Variants in SRP54 observed in about 807,000 individuals in gnomAD.
The protein encoded by SRP54 is signal recognition particle 54.
In SRP54, 10 loss-of-function variants were observed where a neutral mutation model predicts 64.8. The observed-to-expected ratio is 0.15, with a 90% CI of 0.10 to 0.26. The LOEUF is 0.26. Among genes scored for constraint, SRP54 ranks in the 10% least tolerant of loss-of-function variants. SRP54 has a pLI of 1.00. For missense variants in SRP54, 325 were observed against 613.7 expected, an observed-to-expected ratio of 0.53 and a Z score of 4.97; for synonymous variants, 193 against 185.6, an observed-to-expected ratio of 1.04 and a Z score of -0.32.
intron 11 of SRP54, among the ~76,000 whole-genome samples, chr14:35,018,236 C>A (rs2044474322): frequency 6.6e-6 from 1 of 152,074 alleles, no homozygotes; most frequent in Non-Finnish European, 1.5e-5. Flanking sequence ...AATATTTTTT[C>A]CACAGTGTAT....
chr14:35,020,347 A>G (rs2044508456), intron 13 of SRP54, among the ~76,000 whole-genome samples: 1 of 152,178 alleles, frequency 6.6e-6, no homozygotes, highest in African/African-American at 2.4e-5. Flanking sequence ...TGGCTGTGAC[A>G]ATTTCTTAAA....
rs1041755485 is a variant in SRP54 at position 34,996,604 on chromosome 14, A to G, written c.-33-73A>G. The G allele has an allele frequency of 2.0e-5, 16 of 802,108 alleles. No homozygotes were observed. In the African/African-American group the frequency reaches 2.2e-4, roughly 11 times the overall value. 49.7% of individuals were successfully genotyped at this position (802,108 alleles called of 1,614,324 possible). ...CTAAACACTAGAGTAATTTGAACTTAAATACTCTTTAGAACTCTTCAGTCA... is the reference window on the plus strand; with the variant it reads ...CTAAACACTAGAGTAATTTGAACTTGAATACTCTTTAGAACTCTTCAGTCA... On this transcript the variant is annotated intron_variant, in intron 1 of 15. Transcript: ENST00000216774.
At chr14:35,017,933 C>T (rs1160642062) in intron 11 of SRP54, among the ~76,000 whole-genome samples, 1 of 152,068 alleles carries the variant, frequency 6.6e-6, no homozygotes, top group Non-Finnish European at 1.5e-5. Context: ...CCAGCCTGGG[C>T]AATGTAGTGA....
chr14:34,983,024 T>G lies in SRP54; in HGVS notation c.-225T>G, dbSNP rs1261984696. On this transcript the variant is annotated 5_prime_UTR_variant, in exon 1 of 16. Coordinates refer to ENST00000216774, the MANE Select transcript of SRP54 (RefSeq NM_003136.4). ...GGAAGGTTCGCTGGCACTCCGTTGG[T>G]CTTCCAGCTGGTGGGAGTTGACGAC... is the stretch of plus-strand genomic sequence containing the variant. 2 of 152,386 alleles carry G rather than the reference T, an allele frequency of 1.3e-5. No individual in the cohort carries two copies. Among genetic ancestry groups the G allele is most frequent in the Non-Finnish European group, 2.9e-5 (2 of 68,180 alleles). The allele number at this position is 152,386 out of a possible 1,614,324, so 9.4% of individuals were successfully genotyped here. A position where few individuals can be genotyped will look rare whatever the true frequency, so the allele number is the denominator to read the frequency against.
At chr14:34,997,949 A>G (rs1235409332) in intron 2 of SRP54, among the ~76,000 whole-genome samples, 2 of 152,142 alleles carry the variant, frequency 1.3e-5, no homozygotes, top group African/African-American at 4.8e-5. Flanking sequence ...AGTAGAAAGG[A>G]AAGGAAACCA....
intron 12 of SRP54, 97 bp from the exon 13 acceptor site, chr14:35,018,869 A>T: frequency 7.1e-7 from 1 of 1,410,996 alleles, no homozygotes; most frequent in East Asian, 2.4e-5. Flanking sequence ...AAATATATCT[A>T]AGACTTAGTG....
chr14:35,003,543 G>GTTTGTTT (rs2044209968), intron 4 of SRP54, among the ~76,000 whole-genome samples: 1 of 147,766 alleles, frequency 6.8e-6, no homozygotes, highest in African/African-American at 2.5e-5. Flanking sequence ...TTTTTTGTTT[G>GTTTGTTT]TTTGTTTTTT....
chr14:35,006,353 T>C (rs1244686718), intron 4 of SRP54, among the ~76,000 whole-genome samples: 1 of 152,246 alleles, frequency 6.6e-6, no homozygotes, highest in Non-Finnish European at 1.5e-5. Flanking sequence ...TCAAATTGAA[T>C]ATGGACATTA....
rs1395395592 is a variant in SRP54 at position 35,001,256 on chromosome 14, A to G, written c.255+236A>G. ...AACCTCCGCCTCCCGGGTTCAAGCAATTCTCCTGCCTCAGCCTCCCGAGTA... is the reference window on the plus strand; with the variant it reads ...AACCTCCGCCTCCCGGGTTCAAGCAGTTCTCCTGCCTCAGCCTCCCGAGTA... On this transcript the variant is annotated intron_variant, in intron 4 of 15. Transcript: ENST00000216774. 4.0e-5 allele frequency among the ~76,000 whole-genome samples: 6 copies of G among 149,310 alleles called. 1 individual carries two copies. The highest frequency in any genetic ancestry group is 4.2e-4 in the South Asian group (2 of 4,738).
chr14:35,021,683 CAT>C (rs2044532880), intron 13 of SRP54, among the ~76,000 whole-genome samples: 1 of 151,820 alleles, frequency 6.6e-6, no homozygotes, highest in South Asian at 2.1e-4. Flanking sequence ...AGCAAGGAGA[CAT>C]ATACATGAAT....
At chr14:35,001,209 C>T (rs8017611) in intron 4 of SRP54, among the ~76,000 whole-genome samples, 189 bp downstream of exon 4, 5 of 139,112 alleles carry the variant, frequency 3.6e-5, no homozygotes, top group African/African-American at 1.1e-4. Flanking sequence ...GAGTTTCACT[C>T]TTGTTGCCCA....
chr14:35,014,495 G>A (rs2044407432), intron 10 of SRP54, among the ~76,000 whole-genome samples: 1 of 151,954 alleles, frequency 6.6e-6, no homozygotes, highest in Admixed American at 6.6e-5. Context: ...GGCCAGGCTA[G>A]TCTCAAACTC....
intron 1 of SRP54, among the ~76,000 whole-genome samples, chr14:34,992,125 G>A (rs1362845807): frequency 1.3e-5 from 2 of 152,110 alleles, no homozygotes; most frequent in African/African-American, 2.4e-5. Flanking sequence ...TAGAGATGGG[G>A]TTTCGCCATG....
At chr14:35,007,989 C>T (rs573736119) in intron 5 of SRP54, among the ~76,000 whole-genome samples, 1 of 151,964 alleles carries the variant, frequency 6.6e-6, no homozygotes, top group African/African-American at 2.4e-5. Flanking sequence ...CATTCCTATC[C>T]TTTCAGGAAG....
chr14:35,011,839 T>C (rs1285577781), intron 8 of SRP54, among the ~76,000 whole-genome samples, 180 bp downstream of exon 8: 22 of 152,208 alleles, frequency 1.4e-4, no homozygotes, highest in Non-Finnish European at 1.5e-5. Flanking sequence ...ATTTTTGTTC[T>C]CCATTAAATA....
intron 1 of SRP54, among the ~76,000 whole-genome samples, chr14:34,991,427 G>A (rs1057259157): frequency 4.6e-5 from 7 of 151,776 alleles, no homozygotes; most frequent in African/African-American, 1.7e-4. Flanking sequence ...ACCACACCTG[G>A]CCACAGCTTA....
At chr14:35,008,267 T>G (rs1166404958) in intron 5 of SRP54, among the ~76,000 whole-genome samples, 1 of 152,210 alleles carries the variant, frequency 6.6e-6, no homozygotes, top group Non-Finnish European at 1.5e-5. Context: ...CTCAACAATA[T>G]TACAAGATTT....
At chr14:35,014,290 T>TTTTTTTTTGTTTTTTTG (rs376712278) in intron 10 of SRP54, among the ~76,000 whole-genome samples, 1 of 127,284 alleles carries the variant, frequency 7.9e-6, no homozygotes, top group African/African-American at 2.9e-5. Context: ...TTTTTTTTTT[T>TTTTTTTTTGTTTTTTTG]TTTTGAGACG....
intron 11 of SRP54, among the ~76,000 whole-genome samples, chr14:35,016,855 T>C (rs2044450385): frequency 6.9e-6 from 1 of 144,146 alleles, no homozygotes; most frequent in African/African-American, 2.5e-5. Flanking sequence ...CTTTTTTTTT[T>C]TTTTTCTTCT....
Sources: allele counts gnomAD v4.1 joint callset (sites outside exome capture counted in the v4.1 genomes callset), GRCh38; gene constraint gnomAD v4.1.1; transcripts MANE v1.5; gene names NCBI Gene and HGNC (gene_info 2026-07-23, HGNC 2026-07-21).